The following HMGA2 variants were observed in gnomAD, a reference collection of about 807,000 sequenced individuals.
HMGA2 encodes the protein high mobility group AT-hook 2, also known as high mobility group protein HMGI-C.
In HMGA2, 8 loss-of-function variants were observed where a neutral mutation model predicts 19.1. That is an observed-to-expected ratio of 0.42 (90% CI 0.25 to 0.76). The LOEUF (loss-of-function observed/expected upper bound fraction) is 0.76, where lower values mean the gene tolerates loss of function less well. Ranked by LOEUF, HMGA2 falls within the 30% of genes least tolerant of loss-of-function variation. The pLI is 0.28. For synonymous variants in HMGA2, 60 were observed against 48.8 expected, an observed-to-expected ratio of 1.23 and a Z score of -0.96; for missense variants, 109 against 136.3, an observed-to-expected ratio of 0.80 and a Z score of 1.00.
rs541746184 is a variant in HMGA2, at chr12:65,838,751, C to T, written c.249+182C>T. On this transcript the variant is annotated intron_variant, in intron 3 of 4. Transcript: ENST00000403681. ...CCTACCACTAGGCTCCAGGTGTTTA[C>T]GTAGAACACTTTTCTTTCCTGAAGG... Among the ~76,000 whole-genome samples, 9 of 152,166 alleles carry T rather than the reference C, an allele frequency of 5.9e-5. No homozygotes were observed. In the South Asian group the frequency reaches 1.0e-3, roughly 18 times the overall value.
intron 3 of HMGA2, among the ~76,000 whole-genome samples, chr12:65,849,126 C>G (rs534136400): frequency 6.6e-6 from 1 of 152,330 alleles, no homozygotes; most frequent in Admixed American, 6.5e-5. Flanking sequence ...AAGATACATC[C>G]TACGCAGTTT....
chr12:65,938,228 T>C (rs1205312228), intron 3 of HMGA2, among the ~76,000 whole-genome samples: 1 of 152,234 alleles, frequency 6.6e-6, no homozygotes, highest in Admixed American at 6.5e-5. Context: ...AGAAAGAATC[T>C]GAAGCTCCGA....
intron 3 of HMGA2, among the ~76,000 whole-genome samples, chr12:65,848,692 T>C (rs1176889598): frequency 6.6e-6 from 1 of 151,644 alleles, no homozygotes; most frequent in Non-Finnish European, 1.5e-5. Flanking sequence ...CCGTCTCTAC[T>C]AAAAATACAA....
At chr12:65,893,633 C>T (rs563026028) in intron 3 of HMGA2, among the ~76,000 whole-genome samples, 3 of 152,178 alleles carry the variant, frequency 2.0e-5, no homozygotes, top group South Asian at 2.1e-4. Flanking sequence ...CTGCAGCCTT[C>T]GAGGTTTAGA....
At chr12:65,924,638 A>T (rs1160528531) in intron 3 of HMGA2, among the ~76,000 whole-genome samples, 3 of 152,124 alleles carry the variant, frequency 2.0e-5, no homozygotes, top group Non-Finnish European at 4.4e-5. Context: ...TCTCTACTAA[A>T]AACGCAAAAA....
chr12:65,926,526 G>A (rs1368706734), intron 3 of HMGA2, among the ~76,000 whole-genome samples: 1 of 152,256 alleles, frequency 6.6e-6, no homozygotes, highest in Non-Finnish European at 1.5e-5. Context: ...AACTGCAAGA[G>A]TGTGAAGTTC....
At chr12:65,837,019 G>A (rs1055900428) in intron 2 of HMGA2, among the ~76,000 whole-genome samples, 5 of 152,112 alleles carry the variant, frequency 3.3e-5, no homozygotes, top group Non-Finnish European at 7.4e-5. Flanking sequence ...TACCTGCTTT[G>A]TTTGTGACCT....
At chr12:65,872,127 C>A (rs1030873552) in intron 3 of HMGA2, among the ~76,000 whole-genome samples, 3 of 152,024 alleles carry the variant, frequency 2.0e-5, no homozygotes, top group African/African-American at 7.2e-5. Context: ...GGCTTCTGCC[C>A]CCTTCATCCT....
intron 3 of HMGA2, among the ~76,000 whole-genome samples, chr12:65,916,061 C>G (rs151070944): frequency 6.6e-6 from 1 of 152,098 alleles, no homozygotes; most frequent in Non-Finnish European, 1.5e-5. Context: ...GTGCTGTCAT[C>G]CTTGCCAGAA....
In HMGA2 at chr12:65,827,674, A is replaced by G. The variant is rs57793988; in HGVS notation, c.112-327A>G. 9.2e-3 allele frequency among the ~76,000 whole-genome samples: 1,399 copies of G among 152,334 alleles called. 25 individuals carry two copies. Among genetic ancestry groups the G allele is most frequent in the African/African-American group, 0.032 (1,345 of 41,576 alleles). ...GCCTATTATTCCTATGAGTTGCCAA[A>G]TGCATAGCCCTGTAAACTTTACACC... On this transcript the variant is annotated intron_variant, in intron 1 of 4. Coordinates refer to ENST00000403681, the MANE Select transcript of HMGA2 (RefSeq NM_003483.6).
intron 3 of HMGA2, among the ~76,000 whole-genome samples, chr12:65,846,639 G>A (rs1005290042): frequency 1.3e-4 from 20 of 152,142 alleles, no homozygotes; most frequent in Non-Finnish European, 2.4e-4. Context: ...TTTTGTTGTT[G>A]TTGTTCACCT....
chr12:65,900,298 G>A (rs1275492050), intron 3 of HMGA2, among the ~76,000 whole-genome samples: 1 of 152,120 alleles, frequency 6.6e-6, no homozygotes, highest in Non-Finnish European at 1.5e-5. Flanking sequence ...TGAAGATTTT[G>A]TTAAGAAAAT....
chr12:65,901,691 G>C lies in HMGA2; in HGVS notation c.250-49692G>C, dbSNP rs1470052875. On this transcript the variant is annotated intron_variant, in intron 3 of 4. Transcript: ENST00000403681. ...ATCACTAATTTTATAATACACTTATGAATATGTATATATGCACACATTGTT... is the reference window on the plus strand; with the variant it reads ...ATCACTAATTTTATAATACACTTATCAATATGTATATATGCACACATTGTT... Among the ~76,000 whole-genome samples, 6 of 152,034 alleles carry C rather than the reference G, an allele frequency of 3.9e-5. No individual in the cohort carries two copies. In the East Asian group the frequency reaches 9.6e-4, roughly 24 times the overall value.
At chr12:65,887,270 A>C (rs989243152) in intron 3 of HMGA2, among the ~76,000 whole-genome samples, 2 of 152,174 alleles carry the variant, frequency 1.3e-5, no homozygotes, top group Non-Finnish European at 2.9e-5. Context: ...ATGAGTCACC[A>C]TATGGAAGAG....
At position 65,960,043 on chromosome 12, in the gene HMGA2, C is replaced by G. The variant is rs1190253184; in HGVS notation, c.283-3202C>G. On this transcript the variant is annotated intron_variant, in intron 4 of 4. Coordinates refer to ENST00000403681, the MANE Select transcript of HMGA2 (RefSeq NM_003483.6). ...TAGCTGGGACTTCAGGTGCCCGCCACCACGCCTGGCTAATTTTTTGTATTT... is the reference window on the plus strand; with the variant it reads ...TAGCTGGGACTTCAGGTGCCCGCCAGCACGCCTGGCTAATTTTTTGTATTT... 2.0e-5 allele frequency among the ~76,000 whole-genome samples: 3 copies of G among 152,162 alleles called. No individual in the cohort carries two copies. The East Asian group carries it at 5.8e-4, about 29-fold the overall frequency.
At chr12:65,849,851 T>C (rs1182840472) in intron 3 of HMGA2, among the ~76,000 whole-genome samples, 2 of 150,544 alleles carry the variant, frequency 1.3e-5, no homozygotes, top group African/African-American at 2.5e-5. Flanking sequence ...CTCGAGTAGC[T>C]GGGATTACAG....
chr12:65,952,083 T>C (rs533755027), intron 4 of HMGA2: 84 of 349,376 alleles, frequency 2.4e-4, no homozygotes, highest in African/African-American at 1.7e-3. Flanking sequence ...GAAGCATATC[T>C]TGAAGAAAAC....
chr12:65,888,955 C>T (rs1592423743), intron 3 of HMGA2, among the ~76,000 whole-genome samples: 1 of 152,082 alleles, frequency 6.6e-6, no homozygotes, highest in African/African-American at 2.4e-5. Context: ...CGTCTAACTT[C>T]GAGCCTGCTC....
chr12:65,884,457 A>G (rs756386782), intron 3 of HMGA2, among the ~76,000 whole-genome samples: 3 of 152,224 alleles, frequency 2.0e-5, no homozygotes, highest in Non-Finnish European at 4.4e-5. Flanking sequence ...CATATTCACC[A>G]AATTGTGCCT....
Sources: allele counts gnomAD v4.1 joint callset (sites outside exome capture counted in the v4.1 genomes callset), GRCh38; gene constraint gnomAD v4.1.1; transcripts MANE v1.5; gene names NCBI Gene and HGNC (gene_info 2026-07-23, HGNC 2026-07-21).